The following BCKDHB variants were observed in gnomAD, a reference collection of about 807,000 sequenced individuals.
BCKDHB encodes branched chain keto acid dehydrogenase E1 subunit beta.
BCKDHB carries 41 observed loss-of-function variants against 48.5 expected under a neutral mutation model. That is an observed-to-expected ratio of 0.85 (90% confidence interval 0.66 to 1.10). The LOEUF (loss-of-function observed/expected upper bound fraction) is 1.10, where lower values mean the gene tolerates loss of function less well. Ranked by LOEUF, BCKDHB falls within the 50% of genes least tolerant of loss-of-function variation. The pLI is 0.00. For missense variants in BCKDHB, 496 were observed against 494.2 expected, an observed-to-expected ratio of 1.00 and a Z score of -0.03; for synonymous variants, 201 against 174.8, an observed-to-expected ratio of 1.15 and a Z score of -1.18.
intron 8 of BCKDHB, among the ~76,000 whole-genome samples, chr6:80,216,921 G>A (rs1381961852): frequency 6.6e-6 from 1 of 152,094 alleles, no homozygotes; most frequent in African/African-American, 2.4e-5. Context: ...ATGTACAAAG[G>A]TTTAACAAAA....
chr6:80,461,760 C>A, the BCKDHB span, among the ~76,000 whole-genome samples: 1 of 152,138 alleles, frequency 6.6e-6, no homozygotes, highest in East Asian at 1.9e-4. Flanking sequence ...GCCCTTCCTT[C>A]TTCCTGGAAT....
the BCKDHB span, among the ~76,000 whole-genome samples, chr6:80,382,252 G>A: frequency 6.6e-6 from 1 of 152,078 alleles, no homozygotes; most frequent in Non-Finnish European, 1.5e-5. Context: ...TTTGGAAATT[G>A]CGAGACAAAA....
intron 8 of BCKDHB, among the ~76,000 whole-genome samples, chr6:80,261,812 T>A (rs1009611817): frequency 2.6e-5 from 4 of 152,202 alleles, no homozygotes; most frequent in African/African-American, 7.2e-5. Flanking sequence ...AGAGACCTGC[T>A]TTTCTTTTGA....
the BCKDHB span, chr6:80,453,245 G>A: frequency 6.6e-6 from 1 of 152,166 alleles, no homozygotes; most frequent in Non-Finnish European, 1.5e-5. Flanking sequence ...TGTGACTGAA[G>A]CAGCAAAGAG....
the BCKDHB span, among the ~76,000 whole-genome samples, chr6:80,386,261 T>C: frequency 6.7e-6 from 1 of 149,922 alleles, no homozygotes; most frequent in African/African-American, 2.5e-5. Flanking sequence ...TTTAAATCCA[T>C]GCCTATATTT....
chr6:80,439,843 G>A, the BCKDHB span, among the ~76,000 whole-genome samples: 1 of 152,136 alleles, frequency 6.6e-6, no homozygotes, highest in Non-Finnish European at 1.5e-5. Flanking sequence ...TAGAAGACAT[G>A]CCTAACTCCT....
chr6:80,260,996 G>A (rs538997018), intron 8 of BCKDHB, among the ~76,000 whole-genome samples: 79 of 152,240 alleles, frequency 5.2e-4, no homozygotes, highest in African/African-American at 1.9e-3. Flanking sequence ...AGAATAAAAA[G>A]GAAATGAGTT....
intron 6 of BCKDHB, among the ~76,000 whole-genome samples, chr6:80,199,795 A>G (rs1414972255): frequency 7.6e-6 from 1 of 131,452 alleles, no homozygotes; most frequent in Non-Finnish European, 1.7e-5. Flanking sequence ...AAAAAAAAAA[A>G]AAGGCCGGGC....
chr6:80,435,493 C>T, the BCKDHB span, among the ~76,000 whole-genome samples: 2 of 152,056 alleles, frequency 1.3e-5, no homozygotes, highest in African/African-American at 4.8e-5. Flanking sequence ...CACTGTGCAA[C>T]ATTCTAGTCT....
chr6:80,326,078 C>T (rs1183707654), intron 9 of BCKDHB, among the ~76,000 whole-genome samples: 1 of 152,102 alleles, frequency 6.6e-6, no homozygotes, highest in Non-Finnish European at 1.5e-5. Flanking sequence ...GTGACAAATA[C>T]ACTATATTAG....
At chr6:80,106,925 G>T (rs902977557) in intron 1 of BCKDHB, 36 bp downstream of exon 1, 2 of 1,576,506 alleles carry the variant, frequency 1.3e-6, no homozygotes, top group Non-Finnish European at 1.7e-6. Flanking sequence ...TCCCGCTGCA[G>T]CCCGGACTCC....
intron 6 of BCKDHB, among the ~76,000 whole-genome samples, chr6:80,194,546 G>A (rs1774048283): frequency 6.6e-6 from 1 of 151,846 alleles, no homozygotes; most frequent in African/African-American, 2.4e-5. Flanking sequence ...TGTCTTTTTT[G>A]TCTGTCATGG....
chr6:80,311,242 G>A (rs1768142376), intron 9 of BCKDHB, among the ~76,000 whole-genome samples: 1 of 152,122 alleles, frequency 6.6e-6, no homozygotes, highest in Non-Finnish European at 1.5e-5. Context: ...CCCCATGATT[G>A]TGAGCCCTCT....
intron 9 of BCKDHB, among the ~76,000 whole-genome samples, chr6:80,325,151 TATA>T (rs1768970404): frequency 6.6e-6 from 1 of 151,878 alleles, no homozygotes; most frequent in African/African-American, 2.4e-5. Flanking sequence ...TGTTTTAGAA[TATA>T]ATATAATAAA....
intron 6 of BCKDHB, among the ~76,000 whole-genome samples, chr6:80,191,197 A>T (rs1773878208): frequency 6.6e-6 from 1 of 152,226 alleles, no homozygotes; most frequent in African/African-American, 2.4e-5. Context: ...CTCATCAATA[A>T]AATCAACAGT....
At chr6:80,312,755 C>T (rs1159399187) in intron 9 of BCKDHB, among the ~76,000 whole-genome samples, 1 of 152,128 alleles carries the variant, frequency 6.6e-6, no homozygotes, top group Non-Finnish European at 1.5e-5. Context: ...TATGTTGAAC[C>T]AACCTTGCAT....
chr6:80,107,757 G>A (rs1333401536), intron 1 of BCKDHB, among the ~76,000 whole-genome samples: 2 of 151,850 alleles, frequency 1.3e-5, no homozygotes, highest in African/African-American at 4.8e-5. Context: ...AAGGGGATGA[G>A]AGGAGGAAGC....
At chr6:80,366,314 G>T in the BCKDHB span, among the ~76,000 whole-genome samples, 3 of 151,930 alleles carry the variant, frequency 2.0e-5, no homozygotes, top group Non-Finnish European at 2.9e-5. Context: ...ATTTGATCTT[G>T]GGGAAAGAGT....
intron 3 of BCKDHB, among the ~76,000 whole-genome samples, chr6:80,130,286 T>C (rs938324082): frequency 2.0e-5 from 3 of 152,216 alleles, no homozygotes; most frequent in Admixed American, 6.5e-5. Context: ...CTCCCTCTCT[T>C]CTTTCCTTTG....
Sources: allele counts gnomAD v4.1 joint callset (sites outside exome capture counted in the v4.1 genomes callset), GRCh38; gene constraint gnomAD v4.1.1; transcripts MANE v1.5; gene names NCBI Gene and HGNC (gene_info 2026-07-23, HGNC 2026-07-21).